GABBR1: variants seen among roughly 807,000 people sequenced by gnomAD.
GABBR1 encodes the protein GABA-B receptor, R1 subunit.
GABBR1 carries 35 observed loss-of-function variants against 117.7 expected under a neutral mutation model. The ratio of observed to expected loss-of-function variants is 0.30; its 90% CI spans 0.23 to 0.39. The LOEUF (loss-of-function observed/expected upper bound fraction) is 0.39. Among genes scored for constraint, GABBR1 ranks in the 10% least tolerant of loss-of-function variants. The pLI is 1.00. For synonymous variants in GABBR1, 442 were observed against 486.6 expected, an observed-to-expected ratio of 0.91 and a Z score of 1.21; for missense variants, 709 against 1,241.8, an observed-to-expected ratio of 0.57 and a Z score of 6.45.
chr6:29,602,516 T>C lies in GABBR1; in HGVS notation c.*1027A>G. 6.0e-6 allele frequency: 1 copy of C among 165,398 alleles called. No homozygotes were observed. Among genetic ancestry groups the C allele is most frequent in the Middle Eastern group, 3.1e-3 (1 of 324 alleles). The allele number at this position is 165,398 out of a possible 1,614,324, so 10.2% of individuals were successfully genotyped here. A position where few individuals can be genotyped will look rare whatever the true frequency, so the allele number is the denominator to read the frequency against. ...GTGTAGACTGAGGGTAGTACATGAA[T>C]GCAATGGAGATGGGGGGAATCTGAG... On this transcript the variant is annotated 3_prime_UTR_variant, in exon 23 of 23. Coordinates refer to ENST00000377034, the MANE Select transcript of GABBR1 (RefSeq NM_001470.4).
intron 14 of GABBR1, among the ~76,000 whole-genome samples, chr6:29,610,263 C>T (rs1043491552): frequency 3.3e-5 from 5 of 152,092 alleles, no homozygotes; most frequent in African/African-American, 1.2e-4. Flanking sequence ...ACCAAGTACA[C>T]AAAGAATAAC....
At chr6:29,612,913 C>T (rs1445927817) in intron 12 of GABBR1, among the ~76,000 whole-genome samples, 1 of 152,164 alleles carries the variant, frequency 6.6e-6, no homozygotes, top group Admixed American at 6.5e-5. Flanking sequence ...TCTCTGGAAA[C>T]TAATCTTTTC....
intron 11 of GABBR1, among the ~76,000 whole-genome samples, chr6:29,619,747 T>C (rs932218424): frequency 6.6e-6 from 1 of 152,070 alleles, no homozygotes; most frequent in Non-Finnish European, 1.5e-5. Context: ...CCAACAAGTC[T>C]TTCTGGCTTT....
intron 11 of GABBR1, among the ~76,000 whole-genome samples, chr6:29,616,983 TAAAA>T (rs28383952): frequency 0.095 from 6,785 of 71,366 alleles, 210 homozygotes; most frequent in South Asian, 0.21. Flanking sequence ...CCGTCTCTAC[TAAAA>T]AAAAAAAAAA....
rs777725072 is a variant in GABBR1 at position 29,604,602 on chromosome 6, C to T, written c.2604G>A (p.Ser868=). ...RRLITRGEWQ[S]EAQDTMKTGS... ...CTGTCTTCATGGTGTCCTGCGCCTC[C>T]GACTGCCATTCCCCTCGGGTGATCA... Residue 868 remains serine (S), a synonymous_variant, in exon 22 of 23, where the codon TCG becomes TCA. Coordinates refer to ENST00000377034, the MANE Select transcript of GABBR1 (RefSeq NM_001470.4). The surrounding 1 kb of genome is among the most constrained non-coding windows in gnomAD (Gnocchi z 5.3). The T allele has an allele frequency of 1.6e-5, 26 of 1,613,248 alleles. No individual in the cohort carries two copies. In the Middle Eastern group the frequency reaches 4.9e-4, roughly 31 times the overall value.
chr6:29,611,188 A>T lies in GABBR1; in HGVS notation c.1631-187T>A. Reference sequence around the variant, plus strand: ...AGCAACATGACTTAAAAGCAATATAAGGTGGTTCCCAAGACAACTCAAATA... The same window carrying T: ...AGCAACATGACTTAAAAGCAATATATGGTGGTTCCCAAGACAACTCAAATA... On this transcript the variant is annotated intron_variant, in intron 13 of 22. Transcript: ENST00000377034. This position sits in a 1 kb window ranked among gnomAD's most constrained non-coding sequence, Gnocchi z 4.6. 1 of 546,054 alleles carries T rather than the reference A, an allele frequency of 1.8e-6. No homozygotes were observed. 33.8% of individuals were successfully genotyped at this position (546,054 alleles called of 1,614,324 possible). A position where few individuals can be genotyped will look rare whatever the true frequency, so the allele number is the denominator to read the frequency against.
At position 29,603,471 on chromosome 6, in the gene GABBR1, G is replaced by T; in HGVS notation, c.*72C>A. ...TCCCAGCTGGGGATGGGGACCCCCT[G>T]CTTCCTGAGTCCCCTGCCCTTCCCC... On this transcript the variant is annotated 3_prime_UTR_variant, in exon 23 of 23. Transcript: ENST00000377034. The T allele has an allele frequency of 1.5e-6, 2 of 1,360,166 alleles. No homozygotes were observed. The highest frequency in any genetic ancestry group is 2.1e-6 in the Non-Finnish European group (2 of 974,022). The allele number at this position is 1,360,166 out of a possible 1,614,324, so 84.3% of individuals were successfully genotyped here. A position where few individuals can be genotyped will look rare whatever the true frequency, so the allele number is the denominator to read the frequency against.
chr6:29,630,227 A>AT lies in GABBR1; in HGVS notation c.475+230dup. Reference sequence around the variant, plus strand: ...AGGTCTAAGAATCGGGAGCAGGAAGATTTTTTTAAAAGGTAAAGGAAGGAA... The same window carrying AT: ...AGGTCTAAGAATCGGGAGCAGGAAGATTTTTTTTAAAAGGTAAAGGAAGGAA... On this transcript the variant is annotated intron_variant, in intron 4 of 22. Coordinates refer to ENST00000377034, the MANE Select transcript of GABBR1 (RefSeq NM_001470.4). The surrounding 1 kb of genome is among the most constrained non-coding windows in gnomAD (Gnocchi z 4.9). The AT allele has an allele frequency of 2.3e-6, 1 of 443,608 alleles. No homozygotes were observed. 27.5% of individuals were successfully genotyped at this position (443,608 alleles called of 1,614,324 possible).
Position 29,623,735 on chromosome 6 carries a change from T to C in GABBR1, c.792+155A>G, listed in dbSNP as rs1763991897. 6.6e-6 allele frequency among the ~76,000 whole-genome samples: 1 copy of C among 152,194 alleles called. No individual in the cohort carries two copies. Among genetic ancestry groups the C allele is most frequent in the Non-Finnish European group, 1.5e-5 (1 of 68,016 alleles). ...TGCAGCACTGTCAGGCCACTGTTGC[T>C]AGGAGGCTGCCTAGCTCAGGTCTGC... On this transcript the variant is annotated intron_variant, in intron 7 of 22. Transcript: ENST00000377034. The surrounding 1 kb of genome is among the most constrained non-coding windows in gnomAD (Gnocchi z 6.2).
chr6:29,610,853 A>T, intron 14 of GABBR1, 71 bp downstream of exon 14: 4 of 1,306,940 alleles, frequency 3.1e-6, no homozygotes. Flanking sequence ...TTCCATCCTC[A>T]CTCAAAGGCA....
Position 29,627,449 on chromosome 6 carries a change from G to GCCCCCC in GABBR1, c.657+36_657+37insGGGGGG. On this transcript the variant is annotated intron_variant, in intron 6 of 22. Transcript: ENST00000377034. This position sits in a 1 kb window ranked among gnomAD's most constrained non-coding sequence, Gnocchi z 4.4. ...AGCTGGCTGGCCCCCTGCCCCGCAA[G>GCCCCCC]CCCCCACCTCCCACCCACCCCCATG... 2.2e-5 allele frequency: 26 copies of GCCCCCC among 1,204,790 alleles called. No individual in the cohort carries two copies. Among genetic ancestry groups the GCCCCCC allele is most frequent in the South Asian group, 8.1e-5 (6 of 73,886 alleles). The allele number at this position is 1,204,790 out of a possible 1,614,324, so 74.6% of individuals were successfully genotyped here. A position where few individuals can be genotyped will look rare whatever the true frequency, so the allele number is the denominator to read the frequency against.
chr6:29,607,295 AAGGGAGAGTGGGC>A lies in GABBR1; in HGVS notation c.1993-90_1993-78del. ...CTGCAGTAAGGATGGGCAGAACCCT[AAGGGAGAGTGGGC>A]AGGGAGCACGGGCAGGGAGCTCATG... On this transcript the variant is annotated intron_variant, in intron 16 of 22. Transcript: ENST00000377034. This position sits in a 1 kb window ranked among gnomAD's most constrained non-coding sequence, Gnocchi z 5.0. 8.5e-7 allele frequency: 1 copy of A among 1,177,598 alleles called. No homozygotes were observed. Among genetic ancestry groups the A allele is most frequent in the Non-Finnish European group, 1.3e-6 (1 of 791,508 alleles). 72.9% of individuals were successfully genotyped at this position (1,177,598 alleles called of 1,614,324 possible).
rs1763793402 is a variant in GABBR1 at position 29,621,906 on chromosome 6, C to T, written c.1066-89G>A. 1 of 1,371,422 alleles carries T rather than the reference C, an allele frequency of 7.3e-7. No individual in the cohort carries two copies. The allele number at this position is 1,371,422 out of a possible 1,614,324, so 85.0% of individuals were successfully genotyped here. A position where few individuals can be genotyped will look rare whatever the true frequency, so the allele number is the denominator to read the frequency against. On this transcript the variant is annotated intron_variant, in intron 9 of 22. Coordinates refer to ENST00000377034, the MANE Select transcript of GABBR1 (RefSeq NM_001470.4). This position sits in a 1 kb window ranked among gnomAD's most constrained non-coding sequence, Gnocchi z 5.0. ...TGTCTTCACAGCTTTGATTTCCCATCCCAAAGTGCTTAGTGCAGGGTAACG... is the reference window on the plus strand; with the variant it reads ...TGTCTTCACAGCTTTGATTTCCCATTCCAAAGTGCTTAGTGCAGGGTAACG...
chr6:29,622,973 T>G lies in GABBR1; in HGVS notation c.963+332A>C, dbSNP rs1008765368. 6.7e-6 allele frequency among the ~76,000 whole-genome samples: 1 copy of G among 148,838 alleles called. No homozygotes were observed. The highest frequency in any genetic ancestry group is 1.5e-5 in the Non-Finnish European group (1 of 67,154). On this transcript the variant is annotated intron_variant, in intron 8 of 22. Transcript: ENST00000377034. This position sits in a 1 kb window ranked among gnomAD's most constrained non-coding sequence, Gnocchi z 4.6. ...AAGCCTCTGGAATCTGCTGCCTTCC[T>G]GGATTCCTATCTCATCTTCGCTCCC...
chr6:29,603,756 A>T (rs764715513), intron 22 of GABBR1, 40 bp from the exon 23 acceptor site: 16 of 1,391,580 alleles, frequency 1.1e-5, no homozygotes, highest in Middle Eastern at 1.9e-4. Context: ...GGAGAAGAGG[A>T]GGTGATGAAG....
intron 5 of GABBR1, 124 bp downstream of exon 5, chr6:29,628,963 G>C (rs933542029): frequency 1.1e-4 from 119 of 1,088,402 alleles, no homozygotes; most frequent in Non-Finnish European, 1.5e-4. Context: ...GCAAACTGGG[G>C]TGGGTTGGGG....
chr6:29,617,475 T>C (rs943943848), intron 11 of GABBR1, among the ~76,000 whole-genome samples: 2 of 151,986 alleles, frequency 1.3e-5, no homozygotes, highest in East Asian at 1.9e-4. Context: ...CTGATTTGTG[T>C]ATTTTTAGCA....
rs1267935189 is a variant in GABBR1, at chr6:29,609,366, T to G, written c.1722A>C (p.Pro574=). The change falls in exon 15 of 23, where the codon CCA becomes CCC. Residue 574 remains proline (P), a synonymous_variant. Coordinates refer to ENST00000377034, the MANE Select transcript of GABBR1 (RefSeq NM_001470.4). This position sits in a 1 kb window ranked among gnomAD's most constrained non-coding sequence, Gnocchi z 4.3. ...TCTTGATGACCAGGGTCTGGTCAGCTGGGGGGGACCCTCCTGCATGGCACA... is the reference window on the plus strand; with the variant it reads ...TCTTGATGACCAGGGTCTGGTCAGCGGGGGGGGACCCTCCTGCATGGCACA... ...KTDKWIGGSP[P]ADQTLVIKTF... 2 of 1,612,308 alleles carry G rather than the reference T, an allele frequency of 1.2e-6. No homozygotes were observed. Among genetic ancestry groups the G allele is most frequent in the African/African-American group, 1.3e-5 (1 of 74,740 alleles).
At chr6:29,626,068 G>A (rs1352937260) in intron 6 of GABBR1, among the ~76,000 whole-genome samples, 1 of 152,124 alleles carries the variant, frequency 6.6e-6, no homozygotes, top group African/African-American at 2.4e-5. Context: ...CCCTGACCAA[G>A]GAGCTAGAAT....
Sources: allele counts gnomAD v4.1 joint callset (sites outside exome capture counted in the v4.1 genomes callset), GRCh38; gene constraint gnomAD v4.1.1; non-coding constraint Gnocchi (gnomAD v3.1); transcripts MANE v1.5; gene names NCBI Gene and HGNC (gene_info 2026-07-23, HGNC 2026-07-21).